CYP2B6: variants seen among roughly 807,000 people sequenced by gnomAD.
The protein encoded by CYP2B6 is cytochrome P450 2B6.
Under a neutral mutation model 43.4 loss-of-function variants are expected in CYP2B6, and 35 were observed. The observed-to-expected ratio is 0.81, with a 90% CI of 0.62 to 1.07. The LOEUF (loss-of-function observed/expected upper bound fraction) is 1.07, where lower values mean the gene tolerates loss of function less well. Among genes scored for constraint, CYP2B6 ranks in the 50% least tolerant of loss-of-function variants. The probability of loss-of-function intolerance (pLI) is 0.00; values close to 1 mark genes in which losing one functional copy is unlikely to be tolerated. For synonymous variants in CYP2B6, 239 were observed against 239.2 expected, an observed-to-expected ratio of 1.00 and a Z score of 0.01; for missense variants, 624 against 632.8, an observed-to-expected ratio of 0.99 and a Z score of 0.15.
chr19:41,002,916 A>G (rs1270655992), intron 1 of CYP2B6, among the ~76,000 whole-genome samples: 4 of 151,990 alleles, frequency 2.6e-5, no homozygotes, highest in African/African-American at 9.7e-5. Context: ...CTTCCACTCA[A>G]CATTATGCCT....
At chr19:40,997,429 C>G (rs1969014171) in intron 1 of CYP2B6, among the ~76,000 whole-genome samples, 1 of 152,060 alleles carries the variant, frequency 6.6e-6, no homozygotes, top group African/African-American at 2.4e-5. Flanking sequence ...ACTCCTGAAT[C>G]TTAGGCTCGT....
rs1291354643 is a variant in CYP2B6 at position 41,017,442 on chromosome 19, G to A, written c.*615G>A. ...TAGTGGCGTGTGGTTCATTCACAAA[G>A]CTGTACAACCACCACCATCTAGTTC... On this transcript the variant is annotated 3_prime_UTR_variant, in exon 9 of 9. Coordinates refer to ENST00000324071, the MANE Select transcript of CYP2B6 (RefSeq NM_000767.5). 2 of 152,070 alleles carry A rather than the reference G, an allele frequency of 1.3e-5. No homozygotes were observed. The highest frequency in any genetic ancestry group is 3.9e-4 in the East Asian group (2 of 5,186). 9.4% of individuals were successfully genotyped at this position (152,070 alleles called of 1,614,324 possible).
chr19:41,003,027 A>G (rs75711092), intron 1 of CYP2B6, among the ~76,000 whole-genome samples: 204 of 152,114 alleles, frequency 1.3e-3, no homozygotes, highest in African/African-American at 4.8e-3. Context: ...CTATATCTAT[A>G]TTGATGAGCA....
At chr19:41,007,116 G>A in intron 4 of CYP2B6, 51 bp downstream of exon 4, 4 of 1,550,114 alleles carry the variant, frequency 2.6e-6, no homozygotes, top group Non-Finnish European at 3.6e-6. Context: ...TGAACACCCA[G>A]AACACACGAG....
chr19:41,004,086 A>G lies in CYP2B6; in HGVS notation c.257A>G (p.Glu86Gly), dbSNP rs1377192735. 3 of 1,610,816 alleles carry G rather than the reference A, an allele frequency of 1.9e-6. No homozygotes were observed. The highest frequency in any genetic ancestry group is 2.5e-6 in the Non-Finnish European group (3 of 1,179,550). The stretch of plus-strand genomic sequence containing the variant: ...CTGTGTGGAGTAGAGGCCATACGGG[A>G]GGCCCTTGTGGACAAGGCTGAGGCC... ...VMLCGVEAIR[E>G]ALVDKAEAFS... Residue 86 changes from glutamate to glycine, a missense_variant, in exon 2 of 9, where the codon GAG (glutamate) becomes GGG (glycine). Coordinates refer to ENST00000324071, the MANE Select transcript of CYP2B6 (RefSeq NM_000767.5).
chr19:40,994,044 C>T (rs960094211), intron 1 of CYP2B6, among the ~76,000 whole-genome samples: 7 of 152,098 alleles, frequency 4.6e-5, no homozygotes, highest in Non-Finnish European at 8.8e-5. Flanking sequence ...TATAACTTAG[C>T]CTCAGATTCC....
intron 1 of CYP2B6, among the ~76,000 whole-genome samples, chr19:40,996,371 G>T (rs190026991): frequency 3.3e-5 from 5 of 152,090 alleles, no homozygotes; most frequent in Non-Finnish European, 7.4e-5. Flanking sequence ...AGTTCTCCAG[G>T]AATGCCCAGT....
At chr19:41,001,235 T>G (rs1249381464) in intron 1 of CYP2B6, among the ~76,000 whole-genome samples, 3 of 152,144 alleles carry the variant, frequency 2.0e-5, no homozygotes, top group Admixed American at 6.5e-5. Flanking sequence ...TAGAGTTTGA[T>G]TAAAGCTGTG....
intron 8 of CYP2B6, among the ~76,000 whole-genome samples, chr19:41,015,999 TAC>T (rs113314890): frequency 5.1e-4 from 76 of 149,616 alleles, no homozygotes; most frequent in Non-Finnish European, 7.3e-4. Context: ...CATGTACAGG[TAC>T]ACACACACAC....
At chr19:41,011,546 T>TATTTATC (rs1389111628) in intron 6 of CYP2B6, among the ~76,000 whole-genome samples, 202 of 152,350 alleles carry the variant, frequency 1.3e-3, no homozygotes, top group African/African-American at 4.7e-3. Flanking sequence ...ATTGATGTTT[T>TATTTATC]TATCCAGTTG....
chr19:40,992,059 G>A (rs1968927756), intron 1 of CYP2B6, among the ~76,000 whole-genome samples: 1 of 151,778 alleles, frequency 6.6e-6, no homozygotes, highest in South Asian at 2.1e-4. Context: ...AATATTAGCT[G>A]GGCATAGTGA....
intron 7 of CYP2B6, 25 bp downstream of exon 7, chr19:41,012,510 C>T (rs1302820742): frequency 6.2e-7 from 1 of 1,613,754 alleles, no homozygotes; most frequent in East Asian, 2.2e-5. Flanking sequence ...AACCCCATAG[C>T]CCTCCTGTTT....
At chr19:41,001,853 G>C (rs1969094986) in intron 1 of CYP2B6, among the ~76,000 whole-genome samples, 1 of 152,022 alleles carries the variant, frequency 6.6e-6, no homozygotes, top group African/African-American at 2.4e-5. Context: ...GTTAGGTGGA[G>C]AAGAGCTACA....
intron 1 of CYP2B6, among the ~76,000 whole-genome samples, chr19:40,993,505 C>T (rs894701545): frequency 4.6e-5 from 7 of 152,090 alleles, no homozygotes; most frequent in Non-Finnish European, 8.8e-5. Flanking sequence ...CTTATAAAAC[C>T]ATCAGATCTT....
At chr19:40,991,589 T>C (rs1968921265) in intron 1 of CYP2B6, 113 bp downstream of exon 1, 2 of 1,145,380 alleles carry the variant, frequency 1.7e-6, no homozygotes, top group African/African-American at 3.0e-5. Context: ...GGCACGGGCA[T>C]GGTTGGTGAG....
intron 1 of CYP2B6, 123 bp downstream of exon 1, chr19:40,991,599 G>C: frequency 1.0e-6 from 1 of 1,004,680 alleles, no homozygotes; most frequent in Non-Finnish European, 1.6e-6. Flanking sequence ...TGGTTGGTGA[G>C]TACGGAGCAT....
intron 1 of CYP2B6, among the ~76,000 whole-genome samples, chr19:41,001,774 G>A (rs1194480464): frequency 6.6e-6 from 1 of 152,060 alleles, no homozygotes; most frequent in South Asian, 2.1e-4. Flanking sequence ...CAAGACATAC[G>A]AGGTCACTGC....
At chr19:41,010,171 ACCT>A (rs1168298912) in intron 6 of CYP2B6, 36 bp downstream of exon 6, 3 of 1,610,898 alleles carry the variant, frequency 1.9e-6, no homozygotes, top group East Asian at 4.5e-5. Flanking sequence ...GGGTCTTCTG[ACCT>A]CCTTCTGAGC....
intron 6 of CYP2B6, among the ~76,000 whole-genome samples, chr19:41,010,413 T>C (rs1197127905): frequency 1.3e-5 from 2 of 151,744 alleles, no homozygotes; most frequent in African/African-American, 2.4e-5. Flanking sequence ...TTTTTGGTTT[T>C]TTTTTTTTTG....
Sources: allele counts gnomAD v4.1 joint callset (sites outside exome capture counted in the v4.1 genomes callset), GRCh38; gene constraint gnomAD v4.1.1; transcripts MANE v1.5; gene names NCBI Gene and HGNC (gene_info 2026-07-23, HGNC 2026-07-21).